Variants in SPATA17 observed in about 807,000 individuals in gnomAD.
The protein encoded by SPATA17 is spermatogenesis associated 17.
A neutral mutation model predicts 62.2 loss-of-function variants in SPATA17; 53 were observed. The observed-to-expected ratio is 0.85, with a 90% confidence interval of 0.68 to 1.07. The LOEUF (loss-of-function observed/expected upper bound fraction) is 1.07. SPATA17 is among the 50% of genes least tolerant of loss of function. The pLI, the probability that SPATA17 is intolerant of heterozygous loss-of-function variation, is 0.00. For synonymous variants in SPATA17, 146 were observed against 146.8 expected (o/e 0.99, Z 0.04); for missense variants, 466 against 425.5 (o/e 1.10, Z -0.84).
chr1:217,678,190 TTTTTC>T (rs1260779635), intron 4 of SPATA17, among the ~76,000 whole-genome samples: 6 of 148,986 alleles, frequency 4.0e-5, no homozygotes, highest in Non-Finnish European at 8.9e-5. Flanking sequence ...CATGCCTTCA[TTTTTC>T]TTTTCTTTTC....
At chr1:217,850,275 C>A (rs1675617603) in intron 9 of SPATA17, 2 of 360,714 alleles carry the variant, frequency 5.5e-6, no homozygotes, top group African/African-American at 2.1e-5. Context: ...GCAACAAAAC[C>A]TTTATTAACA....
intron 9 of SPATA17, among the ~76,000 whole-genome samples, chr1:217,812,601 T>C (rs1195006531): frequency 1.3e-5 from 2 of 152,194 alleles, no homozygotes; most frequent in South Asian, 4.1e-4. Flanking sequence ...AAATTCTTTG[T>C]ATTCATAAAT....
intron 9 of SPATA17, among the ~76,000 whole-genome samples, chr1:217,812,816 C>A (rs1217833929): frequency 1.3e-5 from 2 of 152,104 alleles, no homozygotes; most frequent in East Asian, 3.9e-4. Context: ...TATTCTAAAG[C>A]CTTTATCTGA....
At chr1:217,722,016 G>A (rs1216787678) in intron 5 of SPATA17, among the ~76,000 whole-genome samples, 1 of 152,164 alleles carries the variant, frequency 6.6e-6, no homozygotes, top group African/African-American at 2.4e-5. Context: ...GGGGTTGGAA[G>A]AGGCAGGATT....
At chr1:217,814,914 T>C (rs1674675650) in intron 9 of SPATA17, among the ~76,000 whole-genome samples, 1 of 152,176 alleles carries the variant, frequency 6.6e-6, no homozygotes, top group Non-Finnish European at 1.5e-5. Flanking sequence ...TTCTCTGCAT[T>C]GTTACTCATC....
At chr1:217,797,971 A>G (rs965295390) in intron 8 of SPATA17, among the ~76,000 whole-genome samples, 3 of 152,186 alleles carry the variant, frequency 2.0e-5, no homozygotes, top group African/African-American at 7.2e-5. Context: ...CTATATCCCT[A>G]TTTAGGAGTT....
intron 1 of SPATA17, among the ~76,000 whole-genome samples, chr1:217,647,324 T>G (rs1306196910): frequency 1.3e-5 from 2 of 152,128 alleles, no homozygotes; most frequent in Non-Finnish European, 2.9e-5. Flanking sequence ...TGGGAGTAGA[T>G]CTAGTGAGGG....
intron 3 of SPATA17, among the ~76,000 whole-genome samples, chr1:217,658,238 T>G (rs950700724): frequency 6.6e-6 from 1 of 152,240 alleles, no homozygotes; most frequent in Non-Finnish European, 1.5e-5. Context: ...CATGAAAGAC[T>G]TGGTCCCCTC....
chr1:217,745,237 G>A (rs576757689), intron 6 of SPATA17, among the ~76,000 whole-genome samples: 6 of 152,266 alleles, frequency 3.9e-5, no homozygotes, highest in African/African-American at 1.2e-4. Flanking sequence ...TGGCTGGTTG[G>A]TAAACTTCAT....
chr1:217,736,548 T>TA (rs1168553062), intron 5 of SPATA17, among the ~76,000 whole-genome samples: 2 of 127,822 alleles, frequency 1.6e-5, no homozygotes, highest in East Asian at 4.0e-4. Context: ...AGAAAGTAAA[T>TA]ACAATTTAAG....
chr1:217,771,961 CA>C (rs1673459050), intron 6 of SPATA17, among the ~76,000 whole-genome samples: 1 of 152,016 alleles, frequency 6.6e-6, no homozygotes, highest in African/African-American at 2.4e-5. Flanking sequence ...TGTATTTTAC[CA>C]TTTTAATCTG....
At chr1:217,734,887 T>G (rs746696885) in intron 5 of SPATA17, among the ~76,000 whole-genome samples, 2 of 152,120 alleles carry the variant, frequency 1.3e-5, no homozygotes, top group Non-Finnish European at 2.9e-5. Context: ...TCTGAGAAAG[T>G]GCATTTTTAT....
At chr1:217,685,027 T>C (rs1243140255) in intron 5 of SPATA17, among the ~76,000 whole-genome samples, 1 of 151,728 alleles carries the variant, frequency 6.6e-6, no homozygotes, top group Non-Finnish European at 1.5e-5. Context: ...GGGACTGCTG[T>C]TTAATTTCTT....
At chr1:217,639,987 T>C (rs886073963) in intron 1 of SPATA17, among the ~76,000 whole-genome samples, 11 of 151,902 alleles carry the variant, frequency 7.2e-5, no homozygotes, top group African/African-American at 2.7e-4. Flanking sequence ...AGTAAATTTA[T>C]TCATCTGACT....
At chr1:217,681,707 T>G (rs1571727304) in intron 4 of SPATA17, among the ~76,000 whole-genome samples, 1 of 152,262 alleles carries the variant, frequency 6.6e-6, no homozygotes, top group East Asian at 1.9e-4. Flanking sequence ...ATGTTTAATA[T>G]CTTAAATTGT....
intron 6 of SPATA17, among the ~76,000 whole-genome samples, chr1:217,769,778 A>G (rs889826507): frequency 1.3e-5 from 2 of 152,152 alleles, no homozygotes; most frequent in African/African-American, 2.4e-5. Context: ...TGAAATTCCT[A>G]TTCCTTCTGG....
intron 9 of SPATA17, among the ~76,000 whole-genome samples, chr1:217,848,346 A>G (rs1015560321): frequency 4.6e-5 from 7 of 152,154 alleles, no homozygotes; most frequent in Non-Finnish European, 1.0e-4. Context: ...TTGACCTTCA[A>G]CTATGGTAGA....
At chr1:217,723,249 A>T (rs1039347798) in intron 5 of SPATA17, among the ~76,000 whole-genome samples, 24 of 152,206 alleles carry the variant, frequency 1.6e-4, no homozygotes, top group African/African-American at 5.8e-4. Context: ...CCTGAAAAGT[A>T]AAAGGATTGG....
rs192618100 is a variant in SPATA17, at chr1:217,660,897, T to G, written c.241-8136T>G. ...GCAAGGATGTTTATAAGAAACATTC[T>G]GAATGGGTTACTCGGTTATGCTTAC... On this transcript the variant is annotated intron_variant, in intron 3 of 10. Transcript: ENST00000366933. 1.4e-3 allele frequency among the ~76,000 whole-genome samples: 212 copies of G among 152,340 alleles called. 1 individual carries two copies. Among genetic ancestry groups the G allele is most frequent in the Admixed American group, 2.5e-3 (39 of 15,306 alleles).
Sources: gnomAD v4.1 joint callset for allele counts (sites outside exome capture counted in the v4.1 genomes callset) on GRCh38, gnomAD v4.1.1 for gene constraint, MANE v1.5 for transcripts, NCBI Gene and HGNC (gene_info 2026-07-23, HGNC 2026-07-21) for gene names.